Variants in GAD2 observed in about 807,000 individuals in gnomAD.
The protein encoded by GAD2 is 65 kDa glutamic acid decarboxylase.
A neutral mutation model predicts 80.1 loss-of-function variants in GAD2; 22 were observed. The observed-to-expected ratio is 0.27, with a 90% confidence interval of 0.20 to 0.39. The LOEUF is 0.39. Ranked by LOEUF, GAD2 falls within the 10% of genes least tolerant of loss-of-function variation. The pLI, the probability that GAD2 is intolerant of heterozygous loss-of-function variation, is 1.00. For synonymous variants in GAD2, 274 were observed against 256.9 expected, an observed-to-expected ratio of 1.07 and a Z score of -0.64; for missense variants, 624 against 738.4, an observed-to-expected ratio of 0.85 and a Z score of 1.80.
chr10:26,267,913 C>G (rs550654537), intron 8 of GAD2, among the ~76,000 whole-genome samples: 2 of 152,292 alleles, frequency 1.3e-5, no homozygotes, highest in African/African-American at 4.8e-5. Flanking sequence ...CAAGACAGCA[C>G]TAGAAGCTGT....
intron 8 of GAD2, among the ~76,000 whole-genome samples, chr10:26,259,879 TA>T (rs1844988770): frequency 1.3e-5 from 2 of 152,224 alleles, no homozygotes; most frequent in African/African-American, 4.8e-5. Flanking sequence ...AGTTAATTTG[TA>T]TTTTGTTGTA....
At chr10:26,251,200 ATCTT>A (rs1211450894) in intron 8 of GAD2, among the ~76,000 whole-genome samples, 2 of 151,848 alleles carry the variant, frequency 1.3e-5, no homozygotes, top group Non-Finnish European at 2.9e-5. Flanking sequence ...GCCCAGCCTC[ATCTT>A]TCTTTTTCTA....
chr10:26,225,405 T>A (rs1844508390), intron 6 of GAD2, among the ~76,000 whole-genome samples: 1 of 152,084 alleles, frequency 6.6e-6, no homozygotes. Context: ...AAATAGAAGT[T>A]AGGAAGGCAA....
chr10:26,218,535 GCTCT>G (rs143813747), intron 3 of GAD2, among the ~76,000 whole-genome samples: 1 of 127,980 alleles, frequency 7.8e-6, no homozygotes, highest in Non-Finnish European at 1.6e-5. Context: ...ACATGCATAC[GCTCT>G]CTCTCTCTCT....
chr10:26,241,838 G>A (rs564314329), intron 7 of GAD2, among the ~76,000 whole-genome samples: 6 of 152,152 alleles, frequency 3.9e-5, no homozygotes, highest in South Asian at 2.1e-4. Flanking sequence ...TGTAGTTTGC[G>A]TCCTCACTCC....
rs193009739 is a variant in GAD2 at position 26,235,089 on chromosome 10, G to C, written c.840+5312G>C. On this transcript the variant is annotated intron_variant, in intron 7 of 15. Transcript: ENST00000376261. ...AGGTTTCACTATGTTGGCCAGGCTGGTCTCGAACTCCTGACCTCAGGTGAT... is the reference window on the plus strand; with the variant it reads ...AGGTTTCACTATGTTGGCCAGGCTGCTCTCGAACTCCTGACCTCAGGTGAT... Among the ~76,000 whole-genome samples, 15 of 152,292 alleles carry C rather than the reference G, an allele frequency of 9.8e-5. No individual in the cohort carries two copies. The East Asian group carries it at 2.7e-3, about 27-fold the overall frequency.
intron 4 of GAD2, 56 bp downstream of exon 4, chr10:26,219,332 T>C: frequency 8.7e-7 from 1 of 1,155,960 alleles, no homozygotes; most frequent in Non-Finnish European, 1.2e-6. Context: ...TTTTATTTTA[T>C]TTTTTTCTAT....
intron 12 of GAD2, among the ~76,000 whole-genome samples, chr10:26,285,236 C>T (rs1845318420): frequency 1.3e-5 from 2 of 152,214 alleles, no homozygotes; most frequent in African/African-American, 4.8e-5. Context: ...GTTCTGTTGT[C>T]TACCATTTCA....
chr10:26,264,208 ATTATC>A (rs1564666051), intron 8 of GAD2, among the ~76,000 whole-genome samples: 1 of 151,996 alleles, frequency 6.6e-6, no homozygotes, highest in Non-Finnish European at 1.5e-5. Flanking sequence ...GACAAATACT[ATTATC>A]TTATAAATGA....
intron 13 of GAD2, among the ~76,000 whole-genome samples, chr10:26,289,470 C>T (rs1345415573): frequency 1.3e-5 from 2 of 152,080 alleles, no homozygotes; most frequent in African/African-American, 4.8e-5. Flanking sequence ...ACTAATGGAG[C>T]TAAATGCACT....
intron 8 of GAD2, among the ~76,000 whole-genome samples, chr10:26,260,281 T>C (rs1301195156): frequency 1.3e-5 from 2 of 152,222 alleles, no homozygotes; most frequent in Non-Finnish European, 2.9e-5. Context: ...TAAAAAATGC[T>C]ATTATAAACA....
chr10:26,300,443 T>C (rs1834316771), intron 15 of GAD2, among the ~76,000 whole-genome samples: 1 of 152,174 alleles, frequency 6.6e-6, no homozygotes, highest in Non-Finnish European at 1.5e-5. Flanking sequence ...TTACATTTAC[T>C]GTGGGGGGAA....
At chr10:26,228,094 C>A (rs145897069) in intron 6 of GAD2, among the ~76,000 whole-genome samples, 3 of 152,262 alleles carry the variant, frequency 2.0e-5, no homozygotes, top group African/African-American at 4.8e-5. Context: ...ACAACACTCA[C>A]GTGACGGCAG....
chr10:26,267,502 C>G (rs1232551002), intron 8 of GAD2, among the ~76,000 whole-genome samples: 1 of 152,212 alleles, frequency 6.6e-6, no homozygotes, highest in Non-Finnish European at 1.5e-5. Context: ...CCACATCACC[C>G]TCCCTTCCCT....
rs755051252 is a variant in GAD2 at position 26,217,969 on chromosome 10, C to A, written c.264C>A (p.Asn88Lys). 9.9e-6 allele frequency: 16 copies of A among 1,611,112 alleles called. No individual in the cohort carries two copies. In the South Asian group the frequency reaches 1.6e-4, roughly 17 times the overall value. ...KPCSCSKVDV[N>K]YAFLHATDLL... is the part of the protein sequence containing the mutation. Reference sequence around the variant, plus strand: ...GCAGCTGCTCCAAAGTGGATGTCAACTACGCGTTTCTCCATGCAACAGGTA... The same window carrying A: ...GCAGCTGCTCCAAAGTGGATGTCAAATACGCGTTTCTCCATGCAACAGGTA... Residue 88 changes from asparagine (N) to lysine (K), a missense_variant, in exon 3 of 16, where the codon AAC (asparagine) becomes AAA (lysine). Coordinates refer to ENST00000376261, the MANE Select transcript of GAD2 (RefSeq NM_001134366.2). This position sits in a 1 kb window ranked among gnomAD's most constrained non-coding sequence, Gnocchi z 4.9.
intron 10 of GAD2, 94 bp downstream of exon 10, chr10:26,270,850 G>A: frequency 1.2e-6 from 1 of 868,462 alleles, no homozygotes; most frequent in Non-Finnish European, 1.9e-6. Flanking sequence ...TTTTTAACTT[G>A]GTCAGCTTAT....
At chr10:26,257,492 A>C (rs962816799) in intron 8 of GAD2, among the ~76,000 whole-genome samples, 1 of 152,200 alleles carries the variant, frequency 6.6e-6, no homozygotes, top group Non-Finnish European at 1.5e-5. Context: ...TGAATTACTC[A>C]TAATTTGTTG....
At chr10:26,300,110 T>C (rs1834312922) in intron 15 of GAD2, among the ~76,000 whole-genome samples, 1 of 152,120 alleles carries the variant, frequency 6.6e-6, no homozygotes, top group South Asian at 2.1e-4. Flanking sequence ...TCATATACAA[T>C]AGAGAGCTAC....
At chr10:26,221,576 G>C (rs1026916947) in intron 4 of GAD2, among the ~76,000 whole-genome samples, 1 of 152,238 alleles carries the variant, frequency 6.6e-6, no homozygotes, top group Non-Finnish European at 1.5e-5. Flanking sequence ...AGATGAGGCA[G>C]CCCTAGTGTG....
Sources: gnomAD v4.1 joint callset for allele counts (sites outside exome capture counted in the v4.1 genomes callset) on GRCh38, gnomAD v4.1.1 for gene constraint, Gnocchi (gnomAD v3.1) non-coding constraint, MANE v1.5 for transcripts, NCBI Gene and HGNC (gene_info 2026-07-23, HGNC 2026-07-21) for gene names.